Variants in DDX10 observed in about 807,000 individuals in gnomAD.
The protein encoded by DDX10 is DEAD-box helicase 10.
DDX10 carries 74 observed loss-of-function variants against 104.3 expected under a neutral mutation model. The ratio of observed to expected loss-of-function variants is 0.71; its 90% CI spans 0.59 to 0.86. The LOEUF (loss-of-function observed/expected upper bound fraction) is 0.86, where lower values mean the gene tolerates loss of function less well. Ranked by LOEUF, DDX10 falls within the 40% of genes least tolerant of loss-of-function variation. DDX10 has a pLI of 0.00. For missense variants in DDX10, 952 were observed against 1,040.0 expected, an observed-to-expected ratio of 0.92 and a Z score of 1.16; for synonymous variants, 351 against 353.4, an observed-to-expected ratio of 0.99 and a Z score of 0.08.
chr11:108,665,371 C>G lies in DDX10; in HGVS notation c.186+32C>G, dbSNP rs932601379. 3 of 1,520,510 alleles carry G rather than the reference C, an allele frequency of 2.0e-6. No individual in the cohort carries two copies. In the African/African-American group the frequency reaches 4.2e-5, roughly 21 times the overall value. 94.2% of individuals were successfully genotyped at this position (1,520,510 alleles called of 1,614,324 possible). A position where few individuals can be genotyped will look rare whatever the true frequency, so the allele number is the denominator to read the frequency against. ...CCGGCGCTGGGGAGGGGGCTCGGGC[C>G]GGCCAGCAGCGGGGCAGCGTCTCAC... On this transcript the variant is annotated intron_variant, in intron 1 of 17. Coordinates refer to ENST00000322536, the MANE Select transcript of DDX10 (RefSeq NM_004398.4).
chr11:108,825,681 G>T (rs1430690910), intron 13 of DDX10, among the ~76,000 whole-genome samples: 1 of 152,148 alleles, frequency 6.6e-6, no homozygotes, highest in African/African-American at 2.4e-5. Context: ...GTAAATAGTT[G>T]TCATTGTTGC....
At chr11:108,935,708 C>A (rs535372800) in intron 17 of DDX10, among the ~76,000 whole-genome samples, 1 of 152,202 alleles carries the variant, frequency 6.6e-6, no homozygotes, top group Admixed American at 6.5e-5. Context: ...CCATATGATC[C>A]ATGGAGCACC....
intron 13 of DDX10, among the ~76,000 whole-genome samples, chr11:108,746,082 T>G (rs2094331546): frequency 6.6e-6 from 1 of 152,162 alleles, no homozygotes; most frequent in Non-Finnish European, 1.5e-5. Flanking sequence ...CCTCTATTCC[T>G]TTCAGACATA....
At chr11:108,765,167 G>A (rs1462171694) in intron 13 of DDX10, among the ~76,000 whole-genome samples, 2 of 152,146 alleles carry the variant, frequency 1.3e-5, no homozygotes, top group South Asian at 2.1e-4. Flanking sequence ...AAGCGGGTTT[G>A]TACCCTGACT....
intron 9 of DDX10, among the ~76,000 whole-genome samples, chr11:108,704,024 G>A: frequency 6.6e-6 from 1 of 151,964 alleles, no homozygotes; most frequent in Non-Finnish European, 1.5e-5. Context: ...ACCTTGTGTA[G>A]CCTTCTATAT....
At chr11:108,824,145 C>T (rs1041553541) in intron 13 of DDX10, among the ~76,000 whole-genome samples, 4 of 152,184 alleles carry the variant, frequency 2.6e-5, no homozygotes, top group Admixed American at 1.3e-4. Flanking sequence ...CAGGTTCAAG[C>T]GATTCTCCTG....
At chr11:108,732,224 A>G (rs183717131) in intron 13 of DDX10, among the ~76,000 whole-genome samples, 1 of 152,274 alleles carries the variant, frequency 6.6e-6, no homozygotes, top group Non-Finnish European at 1.5e-5. Context: ...ATAAGTTCTC[A>G]TTTTTCCTTA....
intron 13 of DDX10, among the ~76,000 whole-genome samples, chr11:108,735,544 A>T (rs1051167674): frequency 6.6e-6 from 1 of 152,066 alleles, no homozygotes; most frequent in Admixed American, 6.6e-5. Flanking sequence ...TGGATCATGA[A>T]CTTTAGAGGT....
intron 6 of DDX10, among the ~76,000 whole-genome samples, chr11:108,682,617 A>G (rs2094237127): frequency 6.6e-6 from 1 of 151,832 alleles, no homozygotes; most frequent in Non-Finnish European, 1.5e-5. Flanking sequence ...ACTTCTTCCT[A>G]CCTTTGTGTC....
At chr11:108,931,346 A>G (rs555836189) in intron 17 of DDX10, among the ~76,000 whole-genome samples, 26 of 152,332 alleles carry the variant, frequency 1.7e-4, no homozygotes, top group Admixed American at 1.5e-3. Context: ...CACATTTACA[A>G]ACATAAAAAT....
At chr11:108,681,894 A>G (rs1024364719) in intron 6 of DDX10, among the ~76,000 whole-genome samples, 3 of 152,116 alleles carry the variant, frequency 2.0e-5, no homozygotes, top group African/African-American at 7.2e-5. Context: ...TCATTATGAA[A>G]TGCTTCTTTT....
intron 1 of DDX10, among the ~76,000 whole-genome samples, chr11:108,670,523 C>CG (rs1311954595): frequency 6.6e-6 from 1 of 152,114 alleles, no homozygotes; most frequent in Non-Finnish European, 1.5e-5. Context: ...AGGAGCAGCC[C>CG]GGGGGAAGCA....
chr11:108,883,784 T>G (rs1863259172), intron 16 of DDX10, among the ~76,000 whole-genome samples: 1 of 152,200 alleles, frequency 6.6e-6, no homozygotes, highest in East Asian at 1.9e-4. Flanking sequence ...TCTGTCTTTA[T>G]TTTACTGGAC....
chr11:108,884,444 C>T (rs1336251243), intron 16 of DDX10, among the ~76,000 whole-genome samples: 1 of 151,944 alleles, frequency 6.6e-6, no homozygotes, highest in East Asian at 1.9e-4. Flanking sequence ...CACCTTCTGC[C>T]TCTTCCCCTC....
chr11:108,916,217 A>C (rs1477918451), intron 16 of DDX10, among the ~76,000 whole-genome samples: 1 of 152,120 alleles, frequency 6.6e-6, no homozygotes, highest in Non-Finnish European at 1.5e-5. Context: ...CATTCCTTTA[A>C]GGGCATCAGA....
chr11:108,839,092 T>C (rs1197623538), intron 14 of DDX10, among the ~76,000 whole-genome samples: 1 of 152,204 alleles, frequency 6.6e-6, no homozygotes, highest in Non-Finnish European at 1.5e-5. Context: ...ACCCATAGTA[T>C]AGGGAAGGGA....
intron 13 of DDX10, among the ~76,000 whole-genome samples, chr11:108,791,408 A>G (rs917610218): frequency 2.6e-5 from 4 of 152,208 alleles, no homozygotes; most frequent in African/African-American, 4.8e-5. Context: ...ATTTGTATTC[A>G]AAGTGATTAT....
At chr11:108,736,148 C>G (rs570255471) in intron 13 of DDX10, among the ~76,000 whole-genome samples, 1,422 of 135,432 alleles carry the variant, frequency 0.01, 17 homozygotes, top group African/African-American at 0.034. Context: ...CTTTGCTTCC[C>G]TAGTTCTTTT....
intron 16 of DDX10, among the ~76,000 whole-genome samples, chr11:108,917,121 A>G (rs988268549): frequency 3.2e-4 from 48 of 151,390 alleles, no homozygotes; most frequent in East Asian, 7.8e-4. Context: ...GCTGGCATGC[A>G]GTGGTGCAAT....
Sources: allele counts gnomAD v4.1 joint callset (sites outside exome capture counted in the v4.1 genomes callset), GRCh38; gene constraint gnomAD v4.1.1; transcripts MANE v1.5; gene names NCBI Gene and HGNC (gene_info 2026-07-23, HGNC 2026-07-21).